The following TRHDE variants were observed in gnomAD, a reference collection of about 807,000 sequenced individuals.
TRHDE encodes the protein thyrotropin-releasing hormone-degrading ectoenzyme.
TRHDE carries 72 observed loss-of-function variants against 125.7 expected under a neutral mutation model. That is an observed-to-expected ratio of 0.57 (90% CI 0.47 to 0.70). The LOEUF (loss-of-function observed/expected upper bound fraction) is 0.70. TRHDE is among the 30% of genes least tolerant of loss of function. TRHDE has a pLI of 0.00. For synonymous variants in TRHDE, 509 were observed against 509.1 expected, an observed-to-expected ratio of 1.00 and a Z score of 0.00; for missense variants, 1,110 against 1,327.1, an observed-to-expected ratio of 0.84 and a Z score of 2.54.
chr12:72,654,655 C>G (rs1488444749), intron 17 of TRHDE, among the ~76,000 whole-genome samples: 2 of 152,100 alleles, frequency 1.3e-5, no homozygotes, highest in Non-Finnish European at 2.9e-5. Flanking sequence ...TGTAGCCATC[C>G]ACCAATTGCT....
At position 72,499,718 on chromosome 12, in the gene TRHDE, C is replaced by T. The variant is rs1878069018; in HGVS notation, c.1722+83C>T. ...ATTCATGTTAGATGTATGTATTTTT[C>T]TTTTTTTCCGGGCAGATAGACATAG... On this transcript the variant is annotated intron_variant, in intron 6 of 18. Coordinates refer to ENST00000261180, the MANE Select transcript of TRHDE (RefSeq NM_013381.3). 5 of 1,502,768 alleles carry T rather than the reference C, an allele frequency of 3.3e-6. No homozygotes were observed. In the Middle Eastern group the frequency reaches 7.1e-4, roughly 214 times the overall value. 93.1% of individuals were successfully genotyped at this position (1,502,768 alleles called of 1,614,324 possible). A position where few individuals can be genotyped will look rare whatever the true frequency, so the allele number is the denominator to read the frequency against.
intron 18 of TRHDE, among the ~76,000 whole-genome samples, chr12:72,661,186 G>A (rs1338684718): frequency 6.6e-6 from 1 of 152,092 alleles, no homozygotes; most frequent in East Asian, 1.9e-4. Context: ...GAGTTCTTTT[G>A]CAGGATAATC....
chr12:72,519,414 C>G (rs557478666), intron 6 of TRHDE, among the ~76,000 whole-genome samples: 24 of 152,144 alleles, frequency 1.6e-4, no homozygotes, highest in Non-Finnish European at 2.4e-4. Flanking sequence ...ATCGCTGAAC[C>G]CTTTCTTCCA....
At chr12:72,337,870 CTG>C (rs1379095739) in intron 2 of TRHDE, among the ~76,000 whole-genome samples, 3 of 152,024 alleles carry the variant, frequency 2.0e-5, no homozygotes, top group Non-Finnish European at 4.4e-5. Context: ...GAAAAATACA[CTG>C]TTTTCCCATT....
intron 6 of TRHDE, among the ~76,000 whole-genome samples, chr12:72,532,900 AT>A (rs1207408898): frequency 6.6e-6 from 1 of 151,630 alleles, no homozygotes; most frequent in Non-Finnish European, 1.5e-5. Flanking sequence ...ATACATGATC[AT>A]ATGAAGGATA....
intron 12 of TRHDE, among the ~76,000 whole-genome samples, chr12:72,597,017 G>C (rs899512651): frequency 6.6e-6 from 1 of 152,160 alleles, no homozygotes; most frequent in Non-Finnish European, 1.5e-5. Flanking sequence ...CCTAGTTAGA[G>C]TGATCTGCAA....
chr12:72,184,213 C>T (rs895214258), intron 2 of TRHDE, among the ~76,000 whole-genome samples: 1 of 152,108 alleles, frequency 6.6e-6, no homozygotes, highest in Non-Finnish European at 1.5e-5. Flanking sequence ...AGAGGGTCTT[C>T]GGTGCCTGGG....
At chr12:72,099,519 T>C (rs1261949247) in intron 1 of TRHDE, among the ~76,000 whole-genome samples, 3 of 152,184 alleles carry the variant, frequency 2.0e-5, no homozygotes, top group African/African-American at 7.2e-5. Flanking sequence ...CTTAAATACA[T>C]AACCTGTCAG....
At chr12:72,292,460 A>G (rs1374598342) in intron 2 of TRHDE, among the ~76,000 whole-genome samples, 1 of 152,168 alleles carries the variant, frequency 6.6e-6, no homozygotes, top group East Asian at 1.9e-4. Context: ...CTTCTCTTTT[A>G]TAATTTTCAT....
At chr12:72,506,349 A>G (rs1878358745) in intron 6 of TRHDE, among the ~76,000 whole-genome samples, 1 of 152,140 alleles carries the variant, frequency 6.6e-6, no homozygotes, top group South Asian at 2.1e-4. Flanking sequence ...CAAGAAAAGA[A>G]TGCAACCCAA....
intron 5 of TRHDE, among the ~76,000 whole-genome samples, chr12:72,475,754 A>G (rs757108565): frequency 2.0e-4 from 30 of 152,240 alleles, no homozygotes; most frequent in Non-Finnish European, 3.4e-4. Context: ...TTCTAAATCC[A>G]TATTTAATAA....
intron 1 of TRHDE, among the ~76,000 whole-genome samples, chr12:72,098,993 T>A (rs988956705): frequency 2.0e-5 from 3 of 152,084 alleles, no homozygotes; most frequent in African/African-American, 7.2e-5. Context: ...GGTGAAACTC[T>A]GTCTCTATTA....
chr12:72,653,188 A>G, intron 17 of TRHDE, 32 bp downstream of exon 17: 1 of 1,585,002 alleles, frequency 6.3e-7, no homozygotes, highest in East Asian at 2.3e-5. Flanking sequence ...TGAATGAGTA[A>G]ATTAAAGCCG....
chr12:72,381,811 A>G (rs1208735391), intron 3 of TRHDE, among the ~76,000 whole-genome samples: 2 of 152,230 alleles, frequency 1.3e-5, no homozygotes, highest in East Asian at 1.9e-4. Flanking sequence ...TTAGTGAGAC[A>G]GAAGGATTGT....
chr12:72,563,175 A>G (rs1210450220), intron 9 of TRHDE, 135 bp downstream of exon 9: 8 of 642,888 alleles, frequency 1.2e-5, no homozygotes, highest in Non-Finnish European at 1.7e-5. Flanking sequence ...TATTTACACA[A>G]GTTACTTTGA....
At chr12:72,250,837 G>GATATATATATATATATATATATATATAT (rs376713479) in intron 2 of TRHDE, among the ~76,000 whole-genome samples, 106 of 117,906 alleles carry the variant, frequency 9.0e-4, no homozygotes, top group South Asian at 2.8e-3. Flanking sequence ...ATGACTTACA[G>GATATATATATATATATATATATATATAT]ATATATATAT....
intron 2 of TRHDE, among the ~76,000 whole-genome samples, chr12:72,202,815 C>A (rs1456589024): frequency 6.6e-6 from 1 of 152,122 alleles, no homozygotes; most frequent in Admixed American, 6.6e-5. Context: ...TTAATTGTAT[C>A]ATTTAGAATC....
intron 6 of TRHDE, among the ~76,000 whole-genome samples, chr12:72,516,597 T>C (rs200078531): frequency 2.5e-4 from 38 of 152,176 alleles, no homozygotes; most frequent in African/African-American, 7.9e-4. Flanking sequence ...CAAACAGGGA[T>C]AATTTGACTT....
intron 2 of TRHDE, among the ~76,000 whole-genome samples, chr12:72,301,425 G>A (rs964033728): frequency 2.0e-5 from 3 of 152,110 alleles, no homozygotes; most frequent in African/African-American, 7.2e-5. Flanking sequence ...AAGGCAGTGC[G>A]AACAGTGAGA....
Sources: gnomAD v4.1 joint callset for allele counts (sites outside exome capture counted in the v4.1 genomes callset) on GRCh38, gnomAD v4.1.1 for gene constraint, MANE v1.5 for transcripts, NCBI Gene and HGNC (gene_info 2026-07-23, HGNC 2026-07-21) for gene names.